The following PLEKHM1 variants were observed in gnomAD, a reference collection of about 807,000 sequenced individuals.
The protein encoded by PLEKHM1 is pleckstrin homology and RUN domain containing M1, also known as pleckstrin homology domain-containing family M member 1.
A neutral mutation model predicts 94.3 loss-of-function variants in PLEKHM1; 28 were observed. The ratio of observed to expected loss-of-function variants is 0.30; its 90% CI spans 0.22 to 0.41. The LOEUF (loss-of-function observed/expected upper bound fraction) is 0.41. PLEKHM1 is among the 10% of genes least tolerant of loss of function. The pLI, the probability that PLEKHM1 is intolerant of heterozygous loss-of-function variation, is 1.00. For synonymous variants in PLEKHM1, 424 were observed against 581.2 expected, an observed-to-expected ratio of 0.73 and a Z score of 3.89; for missense variants, 907 against 1,358.6, an observed-to-expected ratio of 0.67 and a Z score of 5.22.
rs143271747 is a variant in PLEKHM1, at chr17:45,467,471, T to C, written c.1308+738A>G. ...CAAAGTGAGTATGCTCAAGGCCTAG[T>C]ATTTTCTAAAAACATTAATTTAATA... On this transcript the variant is annotated intron_variant, in intron 5 of 11. Coordinates refer to ENST00000430334, the MANE Select transcript of PLEKHM1 (RefSeq NM_014798.3). Among the ~76,000 whole-genome samples, 11 of 152,328 alleles carry C rather than the reference T, an allele frequency of 7.2e-5. No individual in the cohort carries two copies. The South Asian group carries it at 1.0e-3, about 14-fold the overall frequency.
intron 8 of PLEKHM1, among the ~76,000 whole-genome samples, chr17:45,446,528 A>C (rs1390088166): frequency 6.6e-6 from 1 of 152,228 alleles, no homozygotes. Context: ...TCGCTGTATC[A>C]TAAGGACGGA....
intron 4 of PLEKHM1, among the ~76,000 whole-genome samples, chr17:45,473,719 C>G (rs1274940576): frequency 1.3e-5 from 2 of 151,952 alleles, no homozygotes; most frequent in South Asian, 4.2e-4. Flanking sequence ...CCACCACGCC[C>G]GGCTAATTTT....
chr17:45,480,473 G>T (rs2051915647), intron 2 of PLEKHM1, among the ~76,000 whole-genome samples: 1 of 151,744 alleles, frequency 6.6e-6, no homozygotes, highest in East Asian at 1.9e-4. Flanking sequence ...AGCAGAGGGA[G>T]ACTCCGTCTC....
chr17:45,475,267 G>T lies in PLEKHM1; in HGVS notation c.756C>A (p.Leu252=). The T allele has an allele frequency of 6.2e-7, 1 of 1,614,016 alleles. No individual in the cohort carries two copies. Among genetic ancestry groups the T allele is most frequent in the Non-Finnish European group, 8.5e-7 (1 of 1,179,872 alleles). Reference sequence around the variant, plus strand: ...GGGATGAACTGGCCGTGTCCAGGCTGAGGGAGGAGGCAGTCAGCTTCTGGT... The same window carrying T: ...GGGATGAACTGGCCGTGTCCAGGCTTAGGGAGGAGGCAGTCAGCTTCTGGT... ...RRNQKLTASS[L]SLDTASSSQL... Residue 252 remains leucine (L), a synonymous_variant, in exon 4 of 12, where the codon CTC becomes CTA. Coordinates refer to ENST00000430334, the MANE Select transcript of PLEKHM1 (RefSeq NM_014798.3).
In PLEKHM1 at chr17:45,472,724, T is replaced by C. The variant is rs528700238; in HGVS notation, c.923+2376A>G. Among the ~76,000 whole-genome samples, 344 of 152,358 alleles carry C rather than the reference T, an allele frequency of 2.3e-3. 3 individuals carry two copies. The highest frequency in any genetic ancestry group is 3.7e-3 in the Admixed American group (57 of 15,306). On this transcript the variant is annotated intron_variant, in intron 4 of 11. Coordinates refer to ENST00000430334, the MANE Select transcript of PLEKHM1 (RefSeq NM_014798.3). ...TCTGGGACTACGAGACAATCTCCTA[T>C]ATTGTTTGACTAACAAACAATGTGC... is the stretch of plus-strand genomic sequence containing the variant.
At chr17:45,456,233 C>T (rs2050943010) in intron 6 of PLEKHM1, 1 of 152,224 alleles carries the variant, frequency 6.6e-6, no homozygotes, top group Non-Finnish European at 1.5e-5. Context: ...ACACACTATG[C>T]TTACTTGTTA....
chr17:45,467,307 T>C (rs2051349390), intron 5 of PLEKHM1, among the ~76,000 whole-genome samples: 2 of 152,226 alleles, frequency 1.3e-5, no homozygotes, highest in African/African-American at 4.8e-5. Context: ...TCTTTTATCA[T>C]ACTAAGTTAT....
In PLEKHM1 at chr17:45,458,344, C is replaced by G; in HGVS notation, c.1404G>C (p.Arg468Ser). 1.2e-6 allele frequency: 2 copies of G among 1,613,952 alleles called. No homozygotes were observed. Among genetic ancestry groups the G allele is most frequent in the South Asian group, 2.2e-5 (2 of 91,066 alleles). ...GACCAGGCCTTGACCCTGGAGTCCCCCTGTAAGAAGCTATTGGGTGGTCTG... is the reference window on the plus strand; with the variant it reads ...GACCAGGCCTTGACCCTGGAGTCCCGCTGTAAGAAGCTATTGGGTGGTCTG... ...SASDHPIASY[R>S]GTPGSRPGLH... The change falls in exon 6 of 12, where the codon AGG (arginine) becomes AGC (serine). Residue 468 changes from arginine (R) to serine (S), a missense_variant. This residue lies in a region of PLEKHM1 where 477 missense variants were observed against 601.5 expected (regional missense o/e 0.79). Coordinates refer to ENST00000430334, the MANE Select transcript of PLEKHM1 (RefSeq NM_014798.3).
chr17:45,467,760 GA>G (rs2051361946), intron 5 of PLEKHM1, among the ~76,000 whole-genome samples: 1 of 151,848 alleles, frequency 6.6e-6, no homozygotes. Flanking sequence ...GACTCCATCT[GA>G]AAAAAATACC....
At position 45,454,217 on chromosome 17, in the gene PLEKHM1, C is replaced by A. The variant is rs139103371; in HGVS notation, c.1635G>T (p.Gly545=). ...AGAGCTCCTTCCAGATGCCCATTGCCCCCCGCCGCTCCACGGTGCCCAGCT... is the reference window on the plus strand; with the variant it reads ...AGAGCTCCTTCCAGATGCCCATTGCACCCCGCCGCTCCACGGTGCCCAGCT... ...LMKLGTVERR[G]AMGIWKELFC... The change falls in exon 7 of 12, where the codon GGG becomes GGT. Residue 545 remains glycine, a synonymous_variant. Transcript: ENST00000430334. 6.2e-7 allele frequency: 1 copy of A among 1,611,048 alleles called. No homozygotes were observed. Among genetic ancestry groups the A allele is most frequent in the East Asian group, 2.2e-5 (1 of 44,718 alleles).
At chr17:45,438,098 C>T in intron 11 of PLEKHM1, 129 bp from the exon 12 acceptor site, 1 of 708,902 alleles carries the variant, frequency 1.4e-6, no homozygotes, top group Non-Finnish European at 2.5e-6. Context: ...TGCACGCACA[C>T]CGTGCCTCTC....
chr17:45,480,962 C>T (rs1473637449), intron 2 of PLEKHM1, among the ~76,000 whole-genome samples: 1 of 152,130 alleles, frequency 6.6e-6, no homozygotes, highest in Non-Finnish European at 1.5e-5. Flanking sequence ...TACACATAAC[C>T]CTATGTTTAA....
chr17:45,445,331 G>A lies in PLEKHM1; in HGVS notation c.2837+139C>T, dbSNP rs572739055. On this transcript the variant is annotated intron_variant, in intron 9 of 11. Transcript: ENST00000430334. The surrounding 1 kb of genome is among the most constrained non-coding windows in gnomAD (Gnocchi z 4.2). ...CATGGGTGTGGATGTCTATGCATTT[G>A]TGTATAAATTTATGTGTGTGGGTAT... 8 of 728,348 alleles carry A rather than the reference G, an allele frequency of 1.1e-5. No individual in the cohort carries two copies. Among genetic ancestry groups the A allele is most frequent in the African/African-American group, 8.6e-5 (5 of 57,830 alleles). The allele number at this position is 728,348 out of a possible 1,614,324, so 45.1% of individuals were successfully genotyped here.
intron 1 of PLEKHM1, chr17:45,487,728 G>A (rs573165757): frequency 7.2e-5 from 33 of 456,068 alleles, no homozygotes; most frequent in South Asian, 4.8e-4. Context: ...TGAGACTTAC[G>A]TTAAAAGAAG....
chr17:45,453,267 G>A lies in PLEKHM1; in HGVS notation c.2497+88C>T, dbSNP rs2050826391. Reference sequence around the variant, plus strand: ...GGAAGGATGGGGGCATTTGCGGGGAGGCAGAAGGGTGGGGAGCCTAAATCA... The same window carrying A: ...GGAAGGATGGGGGCATTTGCGGGGAAGCAGAAGGGTGGGGAGCCTAAATCA... On this transcript the variant is annotated intron_variant, in intron 7 of 11. Coordinates refer to ENST00000430334, the MANE Select transcript of PLEKHM1 (RefSeq NM_014798.3). The surrounding 1 kb of genome is among the most constrained non-coding windows in gnomAD (Gnocchi z 4.1). 7.5e-6 allele frequency: 10 copies of A among 1,338,964 alleles called. No individual in the cohort carries two copies. The highest frequency in any genetic ancestry group is 7.3e-6 in the Non-Finnish European group (7 of 952,676). The allele number at this position is 1,338,964 out of a possible 1,614,324, so 82.9% of individuals were successfully genotyped here.
chr17:45,453,460 G>A lies in PLEKHM1; in HGVS notation c.2392C>T (p.Gln798Ter). Residue 798 changes from glutamine (Q) to a stop codon, truncating the protein, a stop_gained, in exon 7 of 12, where the codon CAG (glutamine) becomes TAG (stop). Coordinates refer to ENST00000430334, the MANE Select transcript of PLEKHM1 (RefSeq NM_014798.3). LOFTEE classifies it high-confidence loss of function. This position sits in a 1 kb window ranked among gnomAD's most constrained non-coding sequence, Gnocchi z 4.1. ...CGGGTGGCAAATTTCAGCACCTCCTGACAGTTTTCATCCAGGCTCCCGCCC... is the reference window on the plus strand; with the variant it reads ...CGGGTGGCAAATTTCAGCACCTCCTAACAGTTTTCATCCAGGCTCCCGCCC... ...TLGGSLDENC[Q>*]EVLKFATREN... 1 of 1,608,856 alleles carries A rather than the reference G, an allele frequency of 6.2e-7. No individual in the cohort carries two copies. The highest frequency in any genetic ancestry group is 8.5e-7 in the Non-Finnish European group (1 of 1,177,572).
intron 1 of PLEKHM1, among the ~76,000 whole-genome samples, chr17:45,487,278 TGA>T: frequency 6.6e-6 from 1 of 152,252 alleles, no homozygotes; most frequent in South Asian, 2.1e-4. Flanking sequence ...AGCAATCCCG[TGA>T]GAGAGTGATT....
intron 10 of PLEKHM1, 32 bp from the exon 11 acceptor site, chr17:45,439,666 C>T (rs2050380158): frequency 6.2e-7 from 1 of 1,611,902 alleles, no homozygotes. Flanking sequence ...CCTTCATACA[C>T]CCCGTCTGCG....
chr17:45,476,345 G>T lies in PLEKHM1; in HGVS notation c.297-619C>A, dbSNP rs11079565. On this transcript the variant is annotated intron_variant, in intron 3 of 11. Transcript: ENST00000430334. ...GCAAAGTCCTTGGAGCAATGAAGATGCAGGGTAAAGACATGGTCCCTGCCC... is the reference window on the plus strand; with the variant it reads ...GCAAAGTCCTTGGAGCAATGAAGATTCAGGGTAAAGACATGGTCCCTGCCC... 6.1e-3 allele frequency among the ~76,000 whole-genome samples: 934 copies of T among 151,968 alleles called. 10 individuals carry two copies. The highest frequency in any genetic ancestry group is 0.022 in the African/African-American group (910 of 41,406).
Sources: allele counts gnomAD v4.1 joint callset (sites outside exome capture counted in the v4.1 genomes callset), GRCh38; gene constraint gnomAD v4.1.1; regional missense constraint gnomAD v4.1.1; non-coding constraint Gnocchi (gnomAD v3.1); transcripts MANE v1.5; gene names NCBI Gene and HGNC (gene_info 2026-07-23, HGNC 2026-07-21).